Variants in PARP11 observed in about 807,000 individuals in gnomAD.
PARP11 encodes the protein protein mono-ADP-ribosyltransferase PARP11.
Under a neutral mutation model 42.9 loss-of-function variants are expected in PARP11, and 31 were observed. That is an observed-to-expected ratio of 0.72 (90% confidence interval 0.54 to 0.98). The LOEUF (loss-of-function observed/expected upper bound fraction) is 0.98, where lower values mean the gene tolerates loss of function less well. PARP11 is among the 50% of genes least tolerant of loss of function. The pLI, the probability that PARP11 is intolerant of heterozygous loss-of-function variation, is 0.00. For missense variants in PARP11, 365 were observed against 413.1 expected (o/e 0.88, Z 1.01); for synonymous variants, 137 against 127.3 (o/e 1.08, Z -0.51).
At chr12:3,849,425 A>G (rs1348900320) in intron 1 of PARP11, among the ~76,000 whole-genome samples, 1 of 152,232 alleles carries the variant, frequency 6.6e-6, no homozygotes, top group Non-Finnish European at 1.5e-5. Flanking sequence ...CCATGGATGA[A>G]TGGATAAAGA....
chr12:3,828,205 T>C (rs766856869), intron 3 of PARP11, among the ~76,000 whole-genome samples: 4 of 152,212 alleles, frequency 2.6e-5, no homozygotes, highest in East Asian at 1.9e-4. Context: ...CTTGAAACTA[T>C]TGCCAGCTAC....
intron 1 of PARP11, among the ~76,000 whole-genome samples, chr12:3,832,494 C>T (rs891281353): frequency 5.9e-5 from 9 of 152,312 alleles, no homozygotes; most frequent in African/African-American, 1.9e-4. Context: ...GTTATTTCTC[C>T]TCTCCTATGT....
intron 1 of PARP11, among the ~76,000 whole-genome samples, chr12:3,862,011 C>T (rs1284089681): frequency 1.3e-5 from 2 of 151,952 alleles, no homozygotes; most frequent in African/African-American, 2.4e-5. Context: ...GTTGATGGAG[C>T]GAGACTCCGT....
At chr12:3,841,726 C>T (rs534770290) in intron 1 of PARP11, 13 of 1,612,878 alleles carry the variant, frequency 8.1e-6, no homozygotes, top group Non-Finnish European at 1.0e-5. Flanking sequence ...AGGCCCAGTT[C>T]CTATTGCACC....
chr12:3,817,079 T>C (rs901705328), intron 6 of PARP11, among the ~76,000 whole-genome samples: 2 of 151,928 alleles, frequency 1.3e-5, no homozygotes, highest in African/African-American at 4.8e-5. Context: ...TAGTCCCAGC[T>C]ACTCAGGAGG....
intron 1 of PARP11, among the ~76,000 whole-genome samples, chr12:3,851,306 A>T (rs1266030214): frequency 6.6e-6 from 1 of 152,232 alleles, no homozygotes; most frequent in Non-Finnish European, 1.5e-5. Context: ...AGGGCAGGGC[A>T]TCGCCTCACC....
At chr12:3,824,617 T>C in intron 4 of PARP11, 1 of 984,054 alleles carries the variant, frequency 1.0e-6, no homozygotes, top group Non-Finnish European at 1.2e-6. Context: ...ATCTTGCTTA[T>C]TGTCCTCCAT....
chr12:3,813,639 C>T (rs563702940), intron 7 of PARP11, among the ~76,000 whole-genome samples: 2 of 152,284 alleles, frequency 1.3e-5, no homozygotes, highest in South Asian at 4.1e-4. Context: ...TATCCTGATC[C>T]TAAACAGTAG....
rs777477292 is a variant in PARP11 at position 3,812,285 on chromosome 12, T to G, written c.855A>C (p.Gly285=). The change falls in exon 8 of 8, where the codon GGA becomes GGC. Residue 285 remains glycine (G), a synonymous_variant. Coordinates refer to ENST00000228820, the MANE Select transcript of PARP11 (RefSeq NM_020367.6). ...ATTTGGAGTCTCCGTTTATGTAATC[T>G]CCAATTAGCACTCGAGCAAGAAACA... is the stretch of plus-strand genomic sequence containing the variant. ...KSMFLARVLI[G]DYINGDSKYM... 6.2e-7 allele frequency: 1 copy of G among 1,614,212 alleles called. No individual in the cohort carries two copies. Among genetic ancestry groups the G allele is most frequent in the South Asian group, 1.1e-5 (1 of 91,090 alleles).
chr12:3,867,868 C>T (rs943388857), intron 1 of PARP11, among the ~76,000 whole-genome samples: 4 of 152,164 alleles, frequency 2.6e-5, no homozygotes, highest in African/African-American at 7.2e-5. Flanking sequence ...TTCTCAATAA[C>T]GCAACTGAAA....
At chr12:3,830,992 A>G (rs1055372217) in intron 1 of PARP11, among the ~76,000 whole-genome samples, 1 of 152,234 alleles carries the variant, frequency 6.6e-6, no homozygotes, top group Non-Finnish European at 1.5e-5. Context: ...AGAAGTCTCT[A>G]GAAAGGAGAC....
intron 1 of PARP11, chr12:3,842,333 G>T: frequency 1.2e-6 from 2 of 1,610,746 alleles, no homozygotes; most frequent in Non-Finnish European, 1.7e-6. Context: ...AAGTACAAAA[G>T]TGATTGGGGC....
intron 1 of PARP11, among the ~76,000 whole-genome samples, chr12:3,839,019 C>CG (rs1947826973): frequency 6.6e-6 from 1 of 152,132 alleles, no homozygotes; most frequent in South Asian, 2.1e-4. Context: ...TACTCACTCT[C>CG]GGGGTTTTCC....
chr12:3,868,224 G>A (rs1318560624), intron 1 of PARP11, among the ~76,000 whole-genome samples: 1 of 152,164 alleles, frequency 6.6e-6, no homozygotes, highest in African/African-American at 2.4e-5. Context: ...ACTTTGGGAG[G>A]CCTAGGCGGG....
rs1948300845 is a variant in PARP11, at chr12:3,861,957, A to T, written c.18+11255T>A. On this transcript the variant is annotated intron_variant, in intron 1 of 7. Transcript: ENST00000228820. The surrounding 1 kb of genome is among the most constrained non-coding windows in gnomAD (Gnocchi z 4.6). The stretch of plus-strand genomic sequence containing the variant: ...GGAGAATGGCGTGAACCCAGGAGGC[A>T]GAGCTTGCAGTAGGATGAGATAGCA... Among the ~76,000 whole-genome samples the T allele has an allele frequency of 6.6e-6, 1 of 152,122 alleles. No homozygotes were observed. Among genetic ancestry groups the T allele is most frequent in the African/African-American group, 2.4e-5 (1 of 41,428 alleles).
chr12:3,857,826 T>G (rs1948220047), intron 1 of PARP11, among the ~76,000 whole-genome samples: 1 of 152,198 alleles, frequency 6.6e-6, no homozygotes, highest in Admixed American at 6.5e-5. Flanking sequence ...GTTTATAACA[T>G]GTACTTTCCC....
At chr12:3,855,260 A>G (rs977454233) in intron 1 of PARP11, among the ~76,000 whole-genome samples, 1 of 152,186 alleles carries the variant, frequency 6.6e-6, no homozygotes, top group Middle Eastern at 3.2e-3. Context: ...CCTATTCAAC[A>G]TAGTGTTGAA....
chr12:3,830,784 A>C (rs1947624062), intron 1 of PARP11, among the ~76,000 whole-genome samples: 1 of 152,202 alleles, frequency 6.6e-6, no homozygotes, highest in Non-Finnish European at 1.5e-5. Context: ...GAGGAAACTA[A>C]GGCATAGAGA....
chr12:3,847,155 A>G (rs74726727), intron 1 of PARP11, among the ~76,000 whole-genome samples: 2,985 of 152,284 alleles, frequency 0.02, 145 homozygotes, highest in South Asian at 0.18. Context: ...CAAACCAACA[A>G]TAAGTAACAA....
Sources: gnomAD v4.1 joint callset for allele counts (sites outside exome capture counted in the v4.1 genomes callset) on GRCh38, gnomAD v4.1.1 for gene constraint, Gnocchi (gnomAD v3.1) non-coding constraint, MANE v1.5 for transcripts, NCBI Gene and HGNC (gene_info 2026-07-23, HGNC 2026-07-21) for gene names.